Variants in CACNA1I observed in about 807,000 individuals in gnomAD.
CACNA1I encodes calcium voltage-gated channel subunit alpha1 I.
CACNA1I carries 74 observed loss-of-function variants against 201.6 expected under a neutral mutation model. The ratio of observed to expected loss-of-function variants is 0.37; its 90% CI spans 0.30 to 0.45. CACNA1I has a LOEUF of 0.45. Ranked by LOEUF, CACNA1I falls within the 20% of genes least tolerant of loss-of-function variation. CACNA1I has a pLI of 1.00. For missense variants in CACNA1I, 2,346 were observed against 3,138.1 expected, an observed-to-expected ratio of 0.75 and a Z score of 6.03; for synonymous variants, 1,431 against 1,345.2, an observed-to-expected ratio of 1.06 and a Z score of -1.40.
intron 3 of CACNA1I, among the ~76,000 whole-genome samples, chr22:39,601,085 C>G (rs1026276789): frequency 2.0e-5 from 3 of 152,170 alleles, no homozygotes; most frequent in Non-Finnish European, 4.4e-5. Flanking sequence ...TTATTTCTAC[C>G]GAGACACAAG....
chr22:39,627,221 G>T (rs147129865), intron 4 of CACNA1I, among the ~76,000 whole-genome samples: 3 of 152,342 alleles, frequency 2.0e-5, no homozygotes, highest in Admixed American at 2.0e-4. Context: ...GACACCTCGA[G>T]GCCCTCTCTC....
rs1425322314 is a variant in CACNA1I, at chr22:39,662,868, C to T, written c.3465C>T (p.Pro1155=). ...ACTGGTCTGTCTACCTCTTCTCTCC[C>T]GAGAACAGGTGGGCAGGGCCAGGCC... ...REDWSVYLFS[P]ENRFRVLCQT... Residue 1155 remains proline (P), a synonymous_variant, in exon 18 of 37, where the codon CCC becomes CCT. Coordinates refer to ENST00000402142, the MANE Select transcript of CACNA1I (RefSeq NM_021096.4). 5.7e-6 allele frequency: 9 copies of T among 1,584,332 alleles called. No individual in the cohort carries two copies. Among genetic ancestry groups the T allele is most frequent in the South Asian group, 1.2e-5 (1 of 86,802 alleles).
chr22:39,654,981 A>AG (rs140819142), intron 10 of CACNA1I, among the ~76,000 whole-genome samples: 1,892 of 152,132 alleles, frequency 0.012, 53 homozygotes, highest in African/African-American at 0.043. Context: ...TCATCAGAAA[A>AG]GGGGGGCAGG....
intron 4 of CACNA1I, among the ~76,000 whole-genome samples, chr22:39,624,004 G>C (rs537724103): frequency 6.7e-6 from 1 of 148,690 alleles, no homozygotes; most frequent in African/African-American, 2.5e-5. Context: ...CTGAACGTGC[G>C]TGTGTCCATG....
chr22:39,625,850 C>A (rs187102866), intron 4 of CACNA1I, among the ~76,000 whole-genome samples: 92 of 152,206 alleles, frequency 6.0e-4, no homozygotes, highest in African/African-American at 2.2e-3. Context: ...ACCCCACCCC[C>A]AGCCTGTACA....
At position 39,686,353 on chromosome 22, in the gene CACNA1I, C is replaced by T. The variant is rs1031129335; in HGVS notation, c.6620C>T (p.Pro2207Leu). Residue 2207 changes from proline (P) to leucine (L), a missense_variant, in exon 37 of 37, where the codon CCG becomes CTG. This residue lies in a region of CACNA1I where 187 missense variants were observed against 151.0 expected (regional missense o/e 1.24). Transcript: ENST00000402142. The part of the protein sequence containing the change: ...GLGPLAPPPQ[P>L]LPGELEPGDA... ...GGCCCCTTGGCGCCCCCGCCGCAACCGCTCCCCGGAGAGCTGGAGCCGGGA... is the reference window on the plus strand; with the variant it reads ...GGCCCCTTGGCGCCCCCGCCGCAACTGCTCCCCGGAGAGCTGGAGCCGGGA... The T allele has an allele frequency of 1.5e-4, 191 of 1,316,356 alleles. No individual in the cohort carries two copies. Among genetic ancestry groups the T allele is most frequent in the Non-Finnish European group, 1.8e-4 (189 of 1,030,992 alleles). 81.5% of individuals were successfully genotyped at this position (1,316,356 alleles called of 1,614,324 possible).
Position 39,685,365 on chromosome 22 carries a change from C to T in CACNA1I, c.6028-396C>T, listed in dbSNP as rs1418806282. ...GGGCCGGGAGGTGGGGGCCAGGGGCCGGAGCAAGTGGGAGGGACCGGAACC... is the reference window on the plus strand; with the variant it reads ...GGGCCGGGAGGTGGGGGCCAGGGGCTGGAGCAAGTGGGAGGGACCGGAACC... On this transcript the variant is annotated intron_variant, in intron 36 of 36. Transcript: ENST00000402142. The surrounding 1 kb of genome is among the most constrained non-coding windows in gnomAD (Gnocchi z 5.0). Among the ~76,000 whole-genome samples, 2 of 130,728 alleles carry T rather than the reference C, an allele frequency of 1.5e-5. No individual in the cohort carries two copies. The highest frequency in any genetic ancestry group is 2.4e-4 in the South Asian group (1 of 4,166). The allele number at this position is 130,728 out of a possible 152,430, so 85.8% of individuals were successfully genotyped here.
intron 23 of CACNA1I, among the ~76,000 whole-genome samples, chr22:39,667,819 C>G (rs925754444): frequency 6.6e-6 from 1 of 152,150 alleles, no homozygotes; most frequent in Non-Finnish European, 1.5e-5. Context: ...GGGCTCTGAC[C>G]CAGGGCTCCT....
At position 39,687,001 on chromosome 22, in the gene CACNA1I, C is replaced by G. The variant is rs915846718; in HGVS notation, c.*596C>G. 1.3e-5 allele frequency: 2 copies of G among 152,064 alleles called. No individual in the cohort carries two copies. Among genetic ancestry groups the G allele is most frequent in the Non-Finnish European group, 2.9e-5 (2 of 67,996 alleles). 9.4% of individuals were successfully genotyped at this position (152,064 alleles called of 1,614,324 possible). On this transcript the variant is annotated 3_prime_UTR_variant, in exon 37 of 37. Coordinates refer to ENST00000402142, the MANE Select transcript of CACNA1I (RefSeq NM_021096.4). ...AAGATCCCACGTGGCTCCCACGTGT[C>G]GGGGTGTCTGTCCTGTCATCCTGAC...
At chr22:39,623,595 T>TGTGTGTGTGCCTGTGAGG (rs1933812993) in intron 4 of CACNA1I, among the ~76,000 whole-genome samples, 4 of 141,734 alleles carry the variant, frequency 2.8e-5, no homozygotes, top group Admixed American at 7.0e-5. Flanking sequence ...TTTGCTGTGA[T>TGTGTGTGTGCCTGTGAGG]GTGTGTGTGC....
rs1431517195 is a variant in CACNA1I, at chr22:39,684,932, G to A, written c.6027+434G>A. 2 of 339,368 alleles carry A rather than the reference G, an allele frequency of 5.9e-6. No individual in the cohort carries two copies. The highest frequency in any genetic ancestry group is 2.1e-5 in the African/African-American group (1 of 48,038). The allele number at this position is 339,368 out of a possible 1,614,324, so 21.0% of individuals were successfully genotyped here. The stretch of plus-strand genomic sequence containing the variant: ...GCGGGTCTGGTGGATGAGAAGCCTC[G>A]GGCTGCAGGGTCCCCCGTACTGGAT... On this transcript the variant is annotated intron_variant, in intron 36 of 36. Transcript: ENST00000402142. This position sits in a 1 kb window ranked among gnomAD's most constrained non-coding sequence, Gnocchi z 4.6.
chr22:39,673,161 C>T (rs1349532420), intron 28 of CACNA1I, 79 bp downstream of exon 28: 5 of 898,778 alleles, frequency 5.6e-6, no homozygotes, highest in Non-Finnish European at 6.3e-6. Flanking sequence ...TGAGAACACA[C>T]AGGAGTGGGG....
chr22:39,681,869 G>C (rs1935716542), intron 34 of CACNA1I, among the ~76,000 whole-genome samples: 1 of 152,136 alleles, frequency 6.6e-6, no homozygotes, highest in African/African-American at 2.4e-5. Context: ...TCCCTGATTG[G>C]TAACAGTTGC....
intron 3 of CACNA1I, among the ~76,000 whole-genome samples, chr22:39,617,764 C>G: frequency 6.8e-6 from 1 of 147,490 alleles, no homozygotes; most frequent in East Asian, 2.0e-4. Flanking sequence ...TGCTGCCCCC[C>G]GCCCACCGCA....
At position 39,662,756 on chromosome 22, in the gene CACNA1I, C is replaced by T. The variant is rs1371693292; in HGVS notation, c.3373-20C>T. 6.5e-7 allele frequency: 1 copy of T among 1,535,894 alleles called. No homozygotes were observed. Among genetic ancestry groups the T allele is most frequent in the Admixed American group, 1.9e-5 (1 of 52,458 alleles). ...CCCTGCGCATCGCTGACCCCCGGCG[C>T]TCCGTCCTCCTCTTGCTAGACCCTG... On this transcript the variant is annotated intron_variant, in intron 17 of 36. Coordinates refer to ENST00000402142, the MANE Select transcript of CACNA1I (RefSeq NM_021096.4).
At position 39,659,997 on chromosome 22, in the gene CACNA1I, GT is replaced by G; in HGVS notation, c.2604+146del. On this transcript the variant is annotated intron_variant, in intron 14 of 36. Coordinates refer to ENST00000402142, the MANE Select transcript of CACNA1I (RefSeq NM_021096.4). This position sits in a 1 kb window ranked among gnomAD's most constrained non-coding sequence, Gnocchi z 4.3. Reference sequence around the variant, plus strand: ...AAAGGAGGGGGTTGCTGATGAGGTGGTGAGCTCTTCATCATAGGAAGCATGC... The same window carrying G: ...AAAGGAGGGGGTTGCTGATGAGGTGGGAGCTCTTCATCATAGGAAGCATGC... 1.2e-6 allele frequency: 1 copy of G among 866,112 alleles called. No individual in the cohort carries two copies. The highest frequency in any genetic ancestry group is 1.8e-6 in the Non-Finnish European group (1 of 555,530). The allele number at this position is 866,112 out of a possible 1,614,324, so 53.7% of individuals were successfully genotyped here.
chr22:39,639,486 T>G (rs1371076390), intron 5 of CACNA1I, among the ~76,000 whole-genome samples: 1 of 152,234 alleles, frequency 6.6e-6, no homozygotes, highest in Admixed American at 6.5e-5. Context: ...GCATTTATGC[T>G]TTTTAATCCA....
chr22:39,614,278 C>T (rs1933467563), intron 3 of CACNA1I, among the ~76,000 whole-genome samples: 1 of 152,126 alleles, frequency 6.6e-6, no homozygotes, highest in African/African-American at 2.4e-5. Flanking sequence ...CCTTTCTAAA[C>T]CAACCGGGAC....
chr22:39,587,399 A>G (rs1932766852), intron 1 of CACNA1I, among the ~76,000 whole-genome samples: 1 of 152,102 alleles, frequency 6.6e-6, no homozygotes, highest in African/African-American at 2.4e-5. Flanking sequence ...GAGGCCTGGG[A>G]CCATCTGCCT....
Sources: allele counts gnomAD v4.1 joint callset (sites outside exome capture counted in the v4.1 genomes callset), GRCh38; gene constraint gnomAD v4.1.1; regional missense constraint gnomAD v4.1.1; non-coding constraint Gnocchi (gnomAD v3.1); transcripts MANE v1.5; gene names NCBI Gene and HGNC (gene_info 2026-07-23, HGNC 2026-07-21).